The following CHCHD6 variants were observed in gnomAD, a reference collection of about 807,000 sequenced individuals.
CHCHD6 encodes the protein MICOS complex subunit MIC25.
In CHCHD6, 28 loss-of-function variants were observed where a neutral mutation model predicts 32.3. The observed-to-expected ratio is 0.87, with a 90% CI of 0.64 to 1.19. The LOEUF (loss-of-function observed/expected upper bound fraction) is 1.19, where lower values mean the gene tolerates loss of function less well. Ranked by LOEUF, CHCHD6 falls within the 50% of genes most tolerant of loss-of-function variation. The pLI, the probability that CHCHD6 is intolerant of heterozygous loss-of-function variation, is 0.00. For missense variants in CHCHD6, 333 were observed against 307.0 expected, an observed-to-expected ratio of 1.08 and a Z score of -0.63; for synonymous variants, 122 against 117.5, an observed-to-expected ratio of 1.04 and a Z score of -0.25.
chr3:126,752,707 G>A (rs563224399), intron 4 of CHCHD6, among the ~76,000 whole-genome samples: 1 of 152,340 alleles, frequency 6.6e-6, no homozygotes, highest in African/African-American at 2.4e-5. Context: ...TGGGGACTTA[G>A]CATCCCGTTC....
intron 4 of CHCHD6, among the ~76,000 whole-genome samples, chr3:126,800,784 C>G (rs765003928): frequency 6.6e-6 from 1 of 152,118 alleles, no homozygotes; most frequent in Admixed American, 6.5e-5. Context: ...TCACTATACT[C>G]GAAGAAAACA....
chr3:126,843,767 A>T (rs1032956797), intron 4 of CHCHD6, among the ~76,000 whole-genome samples: 1 of 152,160 alleles, frequency 6.6e-6, no homozygotes, highest in Admixed American at 6.5e-5. Context: ...TGATATTGAA[A>T]TTGTCCCACA....
At chr3:126,885,377 C>T (rs1324571827) in intron 5 of CHCHD6, among the ~76,000 whole-genome samples, 1 of 152,178 alleles carries the variant, frequency 6.6e-6, no homozygotes, top group Non-Finnish European at 1.5e-5. Context: ...TGGCCCAACT[C>T]CGCTTTCTTC....
At chr3:126,924,516 C>T (rs975473632) in intron 6 of CHCHD6, among the ~76,000 whole-genome samples, 4 of 152,164 alleles carry the variant, frequency 2.6e-5, no homozygotes, top group Non-Finnish European at 4.4e-5. Context: ...GGGAGGTTCC[C>T]AGTGCAATTG....
intron 4 of CHCHD6, among the ~76,000 whole-genome samples, chr3:126,808,207 C>G (rs114036203): frequency 1.3e-5 from 2 of 152,276 alleles, no homozygotes; most frequent in Non-Finnish European, 2.9e-5. Flanking sequence ...TTAAGGGCCT[C>G]TGTTTCTTGG....
intron 6 of CHCHD6, among the ~76,000 whole-genome samples, chr3:126,936,925 G>A (rs1382207432): frequency 6.6e-6 from 1 of 152,172 alleles, no homozygotes; most frequent in East Asian, 1.9e-4. Flanking sequence ...TTTTCTGTTG[G>A]ACAGAACTAT....
chr3:126,897,215 C>T (rs897272357), intron 5 of CHCHD6, among the ~76,000 whole-genome samples: 2 of 152,210 alleles, frequency 1.3e-5, no homozygotes, highest in Non-Finnish European at 2.9e-5. Context: ...GGGCTAGCGT[C>T]TCTATTCATC....
intron 6 of CHCHD6, among the ~76,000 whole-genome samples, chr3:126,936,722 AT>A (rs1335541710): frequency 4.6e-5 from 7 of 151,872 alleles, no homozygotes; most frequent in Non-Finnish European, 8.8e-5. Context: ...CGCTCAGCTA[AT>A]TTTTTTGTAT....
intron 1 of CHCHD6, among the ~76,000 whole-genome samples, chr3:126,723,931 G>T (rs563401343): frequency 6.6e-6 from 1 of 152,300 alleles, no homozygotes; most frequent in Admixed American, 6.5e-5. Context: ...TTACTAAAGT[G>T]AACTCTTAAG....
intron 4 of CHCHD6, among the ~76,000 whole-genome samples, chr3:126,780,828 C>T (rs1334172233): frequency 6.6e-6 from 1 of 152,190 alleles, no homozygotes; most frequent in Non-Finnish European, 1.5e-5. Flanking sequence ...TATCTTCCTG[C>T]ACAAGAAGAC....
intron 5 of CHCHD6, among the ~76,000 whole-genome samples, chr3:126,891,296 C>T (rs59577230): frequency 0.057 from 8,694 of 152,138 alleles, 317 homozygotes; most frequent in East Asian, 0.16. Context: ...ATGGAAGCGA[C>T]TGAGGAGTAG....
At chr3:126,867,904 CTAGA>C (rs1219747114) in intron 5 of CHCHD6, among the ~76,000 whole-genome samples, 4 of 152,260 alleles carry the variant, frequency 2.6e-5, no homozygotes, top group Non-Finnish European at 4.4e-5. Context: ...CAGACTCTAT[CTAGA>C]GTTCATCAGT....
At chr3:126,786,973 CT>C (rs1463473694) in intron 4 of CHCHD6, among the ~76,000 whole-genome samples, 1 of 152,180 alleles carries the variant, frequency 6.6e-6, no homozygotes, top group Non-Finnish European at 1.5e-5. Flanking sequence ...ACATTTAAGT[CT>C]TTAATCCATC....
rs771913044 is a variant in CHCHD6 at position 126,704,359 on chromosome 3, T to TGGACGAGGAGGAGC, written c.50_63dup (p.Val22ThrfsTer19). 1.9e-6 allele frequency: 3 copies of TGGACGAGGAGGAGC among 1,591,488 alleles called. No individual in the cohort carries two copies. The highest frequency in any genetic ancestry group is 2.3e-4 in the Middle Eastern group (1 of 4,422). On this transcript the variant is annotated frameshift_variant, in exon 1 of 8. Transcript: ENST00000290913. LOFTEE classifies it high-confidence loss of function. ...GAGGGCCGCAGGGTGTCCTTCGGAG[T>TGGACGAGGAGGAGC]GGACGAGGAGGAGCGGGTCCGGGTG...
At chr3:126,893,966 AGCTGTG>A (rs1276031256) in intron 5 of CHCHD6, among the ~76,000 whole-genome samples, 1 of 152,168 alleles carries the variant, frequency 6.6e-6, no homozygotes, top group Non-Finnish European at 1.5e-5. Flanking sequence ...CCTTGGCGGG[AGCTGTG>A]CTGCTGAGAG....
At chr3:126,736,011 G>A (rs1394185243) in intron 4 of CHCHD6, among the ~76,000 whole-genome samples, 2 of 152,192 alleles carry the variant, frequency 1.3e-5, no homozygotes, top group African/African-American at 4.8e-5. Flanking sequence ...AGATAACCAA[G>A]GCAGTCAACT....
At chr3:126,926,811 G>GT (rs2078330926) in intron 6 of CHCHD6, among the ~76,000 whole-genome samples, 1 of 152,142 alleles carries the variant, frequency 6.6e-6, no homozygotes, top group Non-Finnish European at 1.5e-5. Context: ...GCATTTGGGA[G>GT]AACCAAGCAG....
chr3:126,782,037 AAAG>A (rs1402591287), intron 4 of CHCHD6, among the ~76,000 whole-genome samples: 14 of 152,094 alleles, frequency 9.2e-5, no homozygotes, highest in African/African-American at 3.4e-4. Flanking sequence ...GGGAGAGGGA[AAAG>A]AAGACTGGAA....
At chr3:126,754,113 T>C (rs1010166515) in intron 4 of CHCHD6, among the ~76,000 whole-genome samples, 1 of 152,024 alleles carries the variant, frequency 6.6e-6, no homozygotes, top group African/African-American at 2.4e-5. Context: ...AGAGCTGCAG[T>C]TCTTTGGATC....
Sources: allele counts gnomAD v4.1 joint callset (sites outside exome capture counted in the v4.1 genomes callset), GRCh38; gene constraint gnomAD v4.1.1; transcripts MANE v1.5; gene names NCBI Gene and HGNC (gene_info 2026-07-23, HGNC 2026-07-21).